Variants in CHRM3 observed in about 807,000 individuals in gnomAD.
CHRM3 encodes muscarinic acetylcholine receptor M3.
CHRM3 carries 11 observed loss-of-function variants against 41.8 expected under a neutral mutation model. The ratio of observed to expected loss-of-function variants is 0.26; its 90% CI spans 0.17 to 0.44. CHRM3 has a LOEUF of 0.44. Ranked by LOEUF, CHRM3 falls within the 20% of genes least tolerant of loss-of-function variation. The pLI, the probability that CHRM3 is intolerant of heterozygous loss-of-function variation, is 1.00. For synonymous variants in CHRM3, 297 were observed against 301.4 expected (o/e 0.99, Z 0.15); for missense variants, 571 against 745.4 (o/e 0.77, Z 2.72).
At chr1:239,642,461 G>A (rs559935480) in intron 4 of CHRM3, among the ~76,000 whole-genome samples, 130 of 152,122 alleles carry the variant, frequency 8.5e-4, no homozygotes, top group African/African-American at 2.7e-3. Flanking sequence ...GGCTTTGTTC[G>A]TTTCTTTATA....
chr1:239,405,316 A>G (rs1289470931), intron 1 of CHRM3, among the ~76,000 whole-genome samples: 1 of 152,238 alleles, frequency 6.6e-6, no homozygotes, highest in South Asian at 2.1e-4. Flanking sequence ...CTTGCTAGTT[A>G]CGTTTTTTTA....
chr1:239,525,346 G>GAA (rs11447144), intron 2 of CHRM3, among the ~76,000 whole-genome samples: 1 of 151,924 alleles, frequency 6.6e-6, no homozygotes, highest in Admixed American at 6.5e-5. Flanking sequence ...CCCCAAAAAA[G>GAA]AAAAAATCCA....
rs573307290 is a variant in CHRM3, at chr1:239,666,639, C to T, written c.-249-11547C>T. On this transcript the variant is annotated intron_variant, in intron 4 of 6. Coordinates refer to ENST00000676153, the MANE Select transcript of CHRM3 (RefSeq NM_001375978.1). ...AGATAACATTTCCTGAGTCTGAGCT[C>T]TCTGCCCCTCCCATTAGACACTCTC... Among the ~76,000 whole-genome samples the T allele has an allele frequency of 3.0e-4, 45 of 152,230 alleles. No individual in the cohort carries two copies. In the South Asian group the frequency reaches 8.9e-3, roughly 30 times the overall value.
chr1:239,625,727 T>A (rs1269600433), intron 3 of CHRM3, among the ~76,000 whole-genome samples: 1 of 29,234 alleles, frequency 3.4e-5, no homozygotes, highest in Admixed American at 3.2e-4. Flanking sequence ...TTGAATTTTG[T>A]CAAAGGCTTT....
chr1:239,639,554 GCT>G, intron 4 of CHRM3, among the ~76,000 whole-genome samples: 1 of 151,774 alleles, frequency 6.6e-6, no homozygotes, highest in Middle Eastern at 3.4e-3. Flanking sequence ...TCATGATTTG[GCT>G]CTCTGTTTGT....
At chr1:239,745,625 T>C (rs1665284210) in intron 5 of CHRM3, among the ~76,000 whole-genome samples, 1 of 152,138 alleles carries the variant, frequency 6.6e-6, no homozygotes, top group Non-Finnish European at 1.5e-5. Flanking sequence ...GTATTTCTCC[T>C]AATGCTGTCC....
At chr1:239,651,247 A>G (rs1295442795) in intron 4 of CHRM3, among the ~76,000 whole-genome samples, 1 of 152,228 alleles carries the variant, frequency 6.6e-6, no homozygotes, top group Non-Finnish European at 1.5e-5. Context: ...ATTAGAGAAT[A>G]TCTTATATGA....
intron 5 of CHRM3, among the ~76,000 whole-genome samples, chr1:239,685,434 A>G (rs1290346034): frequency 6.6e-6 from 1 of 152,064 alleles, no homozygotes; most frequent in Non-Finnish European, 1.5e-5. Flanking sequence ...AGTCGTTTGT[A>G]TTCTGCCATG....
At chr1:239,530,129 T>A (rs1424300375) in intron 2 of CHRM3, among the ~76,000 whole-genome samples, 1 of 152,142 alleles carries the variant, frequency 6.6e-6, no homozygotes, top group Non-Finnish European at 1.5e-5. Context: ...GGTCTTGATC[T>A]CCTGACCTTG....
chr1:239,712,268 T>C (rs557448102), intron 5 of CHRM3, among the ~76,000 whole-genome samples: 181 of 152,330 alleles, frequency 1.2e-3, no homozygotes, highest in African/African-American at 4.2e-3. Context: ...ATTTTAGTTA[T>C]CCTTGGTTGT....
At chr1:239,437,717 A>G (rs1663385742) in intron 1 of CHRM3, among the ~76,000 whole-genome samples, 1 of 151,984 alleles carries the variant, frequency 6.6e-6, no homozygotes, top group Non-Finnish European at 1.5e-5. Context: ...TGTGCACACC[A>G]TTGAAGTGGA....
chr1:239,669,960 A>G (rs1024135023), intron 4 of CHRM3, among the ~76,000 whole-genome samples: 22 of 152,184 alleles, frequency 1.4e-4, no homozygotes, highest in African/African-American at 4.6e-4. Flanking sequence ...AGACAAAAAT[A>G]TCTCTGCATG....
chr1:239,514,553 A>G (rs1414776394), intron 2 of CHRM3, among the ~76,000 whole-genome samples: 5 of 152,022 alleles, frequency 3.3e-5, no homozygotes, highest in Non-Finnish European at 7.4e-5. Context: ...AAGTCATGCC[A>G]TCTACACAAA....
At chr1:239,622,195 C>T (rs1332320953) in intron 3 of CHRM3, among the ~76,000 whole-genome samples, 1 of 152,260 alleles carries the variant, frequency 6.6e-6, no homozygotes, top group East Asian at 1.9e-4. Flanking sequence ...TTACTATTCA[C>T]TGACAATGCA....
At chr1:239,695,696 CATAATT>C (rs1326697967) in intron 5 of CHRM3, among the ~76,000 whole-genome samples, 1 of 151,594 alleles carries the variant, frequency 6.6e-6, no homozygotes, top group African/African-American at 2.4e-5. Context: ...TCAGAGTACT[CATAATT>C]AGAGGAAAGG....
chr1:239,602,097 T>TGTGTGTGTGTGA, intron 3 of CHRM3, among the ~76,000 whole-genome samples: 1 of 132,530 alleles, frequency 7.5e-6, no homozygotes, highest in South Asian at 2.3e-4. Context: ...TACATGTGTG[T>TGTGTGTGTGTGA]GTGTGTGTGT....
intron 2 of CHRM3, among the ~76,000 whole-genome samples, chr1:239,543,265 G>A (rs939463719): frequency 6.6e-6 from 1 of 152,168 alleles, no homozygotes; most frequent in Admixed American, 6.5e-5. Flanking sequence ...CCGACATGAA[G>A]TGTGGCTGAG....
At chr1:239,706,949 T>TAGGAAAAGC (rs1661248025) in intron 5 of CHRM3, 1 of 152,178 alleles carries the variant, frequency 6.6e-6, no homozygotes, top group Non-Finnish European at 1.5e-5. Context: ...TTCGGAAAAG[T>TAGGAAAAGC]AGGAAAAGCA....
At chr1:239,829,545 A>G (rs1397615899) in intron 6 of CHRM3, among the ~76,000 whole-genome samples, 1 of 152,210 alleles carries the variant, frequency 6.6e-6, no homozygotes, top group African/African-American at 2.4e-5. Flanking sequence ...CTATACCAAA[A>G]AAGCATGTAT....
Sources: allele counts gnomAD v4.1 joint callset (sites outside exome capture counted in the v4.1 genomes callset), GRCh38; gene constraint gnomAD v4.1.1; transcripts MANE v1.5; gene names NCBI Gene and HGNC (gene_info 2026-07-23, HGNC 2026-07-21).